GDAP1: variants seen among roughly 807,000 people sequenced by gnomAD.
GDAP1 encodes the protein ganglioside induced differentiation associated protein 1.
A neutral mutation model predicts 40.1 loss-of-function variants in GDAP1; 34 were observed. That is an observed-to-expected ratio of 0.85 (90% CI 0.64 to 1.13). GDAP1 has a LOEUF of 1.13. Ranked by LOEUF, GDAP1 falls within the 50% of genes most tolerant of loss-of-function variation. GDAP1 has a pLI of 0.00. For synonymous variants in GDAP1, 170 were observed against 157.4 expected (o/e 1.08, Z -0.60); for missense variants, 374 against 433.7 (o/e 0.86, Z 1.22).
intron 2 of GDAP1, among the ~76,000 whole-genome samples, chr8:74,466,221 C>T (rs575662038): frequency 1.3e-5 from 2 of 152,218 alleles, no homozygotes; most frequent in Non-Finnish European, 2.9e-5. Context: ...TTGAGTATCT[C>T]TGGATTTCTC....
intron 2 of GDAP1, among the ~76,000 whole-genome samples, chr8:74,477,286 T>C (rs1806642446): frequency 6.6e-6 from 1 of 152,160 alleles, no homozygotes; most frequent in Admixed American, 6.5e-5. Context: ...TTTGATTCCA[T>C]TGTTATTGTT....
At chr8:74,476,350 A>G (rs888529004) in intron 2 of GDAP1, among the ~76,000 whole-genome samples, 1 of 152,004 alleles carries the variant, frequency 6.6e-6, no homozygotes, top group Admixed American at 6.6e-5. Context: ...TTATTATGTC[A>G]TCTTGTTTGT....
intron 2 of GDAP1, among the ~76,000 whole-genome samples, chr8:74,435,854 C>T (rs1010597990): frequency 6.6e-6 from 1 of 152,038 alleles, no homozygotes; most frequent in African/African-American, 2.4e-5. Context: ...TATTTTTAGA[C>T]CTTGAGAGGT....
Position 74,364,319 on chromosome 8 carries a change from G to C in GDAP1, c.1029G>C (p.Arg343Ser), listed in dbSNP as rs1286341372. 4.3e-6 allele frequency: 7 copies of C among 1,614,044 alleles called. 1 individual carries two copies. In the South Asian group the frequency reaches 7.7e-5, roughly 18 times the overall value. The change falls in exon 6 of 6, where the codon AGG becomes AGC. Residue 343 changes from arginine to serine, a missense_variant. Arg to Ser is a moderately radical substitution (Grantham distance 110, BLOSUM62 -1). Coordinates refer to ENST00000220822, the MANE Select transcript of GDAP1 (RefSeq NM_018972.4). ...TTGCTTTTATGCTTTTCAGAAAGAG[G>C]CTTGGCAGCATGATATTAGCATTTA... ...GYFAFMLFRK[R>S]LGSMILAFRP...
intron 2 of GDAP1, among the ~76,000 whole-genome samples, chr8:74,434,665 T>C (rs968151145): frequency 1.3e-5 from 2 of 152,176 alleles, no homozygotes; most frequent in Non-Finnish European, 2.9e-5. Context: ...CCTTATACCA[T>C]GCCCCTTCCT....
At chr8:74,407,376 A>T (rs1041372826) in intron 2 of GDAP1, among the ~76,000 whole-genome samples, 1 of 150,018 alleles carries the variant, frequency 6.7e-6, no homozygotes, top group Middle Eastern at 3.4e-3. Context: ...ACTGAGAGAG[A>T]CAGGCCCACC....
At chr8:74,473,714 A>G (rs567972237) in intron 2 of GDAP1, among the ~76,000 whole-genome samples, 1 of 152,184 alleles carries the variant, frequency 6.6e-6, no homozygotes, top group African/African-American at 2.4e-5. Context: ...GTAGTCCTGT[A>G]GTACAGTTTG....
At chr8:74,432,687 A>T (rs536642862) in intron 2 of GDAP1, among the ~76,000 whole-genome samples, 204 of 152,236 alleles carry the variant, frequency 1.3e-3, no homozygotes, top group African/African-American at 4.7e-3. Context: ...CTGGCCATTT[A>T]ATAGATGGAC....
intron 2 of GDAP1, among the ~76,000 whole-genome samples, chr8:74,424,731 TTCA>T (rs751573625): frequency 6.6e-6 from 1 of 152,188 alleles, no homozygotes; most frequent in African/African-American, 2.4e-5. Context: ...TGAGAGGGTG[TTCA>T]TAGGCTTTGC....
At position 74,362,384 on chromosome 8, in the gene GDAP1, C is replaced by G. The variant is rs185090600; in HGVS notation, c.579+406C>G. ...TTTCTCCTTCTGTTGATTCCTTCCC[C>G]GGGCCCAGCAACTATTGCAAGCTTC... On this transcript the variant is annotated intron_variant, in intron 4 of 5. Transcript: ENST00000220822. 2.2e-3 allele frequency among the ~76,000 whole-genome samples: 339 copies of G among 152,190 alleles called. 1 individual carries two copies. Among genetic ancestry groups the G allele is most frequent in the Middle Eastern group, 3.4e-3 (1 of 294 alleles).
chr8:74,422,352 C>T (rs13268848), intron 2 of GDAP1, among the ~76,000 whole-genome samples: 4,765 of 29,946 alleles, frequency 0.16, 211 homozygotes, highest in East Asian at 0.21. Flanking sequence ...TTTCTTTCTT[C>T]CCTTCCTTCC....
intron 2 of GDAP1, among the ~76,000 whole-genome samples, chr8:74,474,292 C>T (rs997006282): frequency 6.6e-6 from 1 of 152,000 alleles, no homozygotes; most frequent in Non-Finnish European, 1.5e-5. Flanking sequence ...ATTTCTTTCT[C>T]TTGTCTGATT....
At chr8:74,374,304 A>G (rs762425172) in intron 2 of GDAP1, among the ~76,000 whole-genome samples, 3 of 152,112 alleles carry the variant, frequency 2.0e-5, no homozygotes, top group Non-Finnish European at 2.9e-5. Context: ...CTTGTTTTCT[A>G]TTGATTGGAA....
intron 2 of GDAP1, among the ~76,000 whole-genome samples, chr8:74,450,860 G>T: frequency 1.3e-5 from 1 of 76,094 alleles, no homozygotes; most frequent in African/African-American, 5.7e-5. Context: ...TTTTCTTTGG[G>T]GATAATCAAA....
At chr8:74,481,202 T>C (rs1475899597) in intron 2 of GDAP1, among the ~76,000 whole-genome samples, 3 of 152,238 alleles carry the variant, frequency 2.0e-5, no homozygotes, top group Non-Finnish European at 4.4e-5. Flanking sequence ...TGTCACAGAC[T>C]AGCTGCCTTT....
intron 2 of GDAP1, among the ~76,000 whole-genome samples, chr8:74,380,477 A>G (rs1317857617): frequency 6.7e-6 from 1 of 148,412 alleles, no homozygotes; most frequent in Non-Finnish European, 1.5e-5. Context: ...TTGCACATTT[A>G]AAGACATAGG....
intron 2 of GDAP1, among the ~76,000 whole-genome samples, chr8:74,374,605 T>A (rs1401523649): frequency 6.6e-6 from 1 of 152,030 alleles, no homozygotes; most frequent in East Asian, 1.9e-4. Context: ...CCCAAAAGGA[T>A]AAATCAAGAA....
chr8:74,456,516 G>A (rs961237445), intron 2 of GDAP1, among the ~76,000 whole-genome samples: 8 of 151,994 alleles, frequency 5.3e-5, no homozygotes, highest in Admixed American at 1.3e-4. Flanking sequence ...AGAAAAATTC[G>A]TTTTGGCTTC....
intron 2 of GDAP1, among the ~76,000 whole-genome samples, chr8:74,398,290 C>T (rs1344318004): frequency 6.6e-6 from 1 of 152,114 alleles, no homozygotes; most frequent in Non-Finnish European, 1.5e-5. Context: ...ATTGCAACCC[C>T]TGCCTTTGTT....
Sources: gnomAD v4.1 joint callset for allele counts (sites outside exome capture counted in the v4.1 genomes callset) on GRCh38, gnomAD v4.1.1 for gene constraint, MANE v1.5 for transcripts, NCBI Gene and HGNC (gene_info 2026-07-23, HGNC 2026-07-21) for gene names.